CRTC1: variants seen among roughly 807,000 people sequenced by gnomAD.
CRTC1 encodes CREB regulated transcription coactivator 1.
Under a neutral mutation model 66.1 loss-of-function variants are expected in CRTC1, and 18 were observed. That is an observed-to-expected ratio of 0.27 (90% CI 0.19 to 0.40). The LOEUF (loss-of-function observed/expected upper bound fraction) is 0.40. CRTC1 is among the 10% of genes least tolerant of loss of function. The pLI is 1.00. For missense variants in CRTC1, 669 were observed against 887.9 expected, an observed-to-expected ratio of 0.75 and a Z score of 3.13; for synonymous variants, 416 against 398.8, an observed-to-expected ratio of 1.04 and a Z score of -0.51.
chr19:18,763,830 T>C (rs1568534318), intron 8 of CRTC1, among the ~76,000 whole-genome samples: 1 of 152,190 alleles, frequency 6.6e-6, no homozygotes. Context: ...GCTTCTGACC[T>C]GGGCACTGAG....
Position 18,768,744 on chromosome 19 carries a change from C to T in CRTC1, c.1271C>T (p.Ser424Phe), listed in dbSNP as rs756177928. 3 of 1,599,024 alleles carry T rather than the reference C, an allele frequency of 1.9e-6. No individual in the cohort carries two copies. Among genetic ancestry groups the T allele is most frequent in the South Asian group, 1.1e-5 (1 of 88,504 alleles). Residue 424 changes from serine to phenylalanine, a missense_variant, in exon 10 of 14, where the codon TCC becomes TTC. Transcript: ENST00000321949. This position sits in a 1 kb window ranked among gnomAD's most constrained non-coding sequence, Gnocchi z 5.6. ...ACGGTACCGTCCTCTCTCCCCCAGT[C>T]CCCCCCAGAGAACCCTGGCCAGCCA... ...AVTVPSSLPQ[S>F]PPENPGQPSM...
At chr19:18,704,796 A>G (rs1015962379) in intron 1 of CRTC1, among the ~76,000 whole-genome samples, 3 of 152,122 alleles carry the variant, frequency 2.0e-5, no homozygotes, top group African/African-American at 7.2e-5. Flanking sequence ...GGCATTTAGT[A>G]AGTATCCTCA....
chr19:18,780,969 C>T lies in CRTC1; in HGVS notation c.*3587C>T. The T allele has an allele frequency of 4.5e-6, 1 of 223,848 alleles. No homozygotes were observed. Among genetic ancestry groups the T allele is most frequent in the Non-Finnish European group, 8.9e-6 (1 of 112,252 alleles). 13.9% of individuals were successfully genotyped at this position (223,848 alleles called of 1,614,324 possible). ...CCTGCTTCCTGAGTTTTCTGTATTT[C>T]CAAGGAGCCCTCCGACCAGGGAGAG... On this transcript the variant is annotated 3_prime_UTR_variant, in exon 14 of 14. Transcript: ENST00000321949.
At chr19:18,764,929 C>CAA (rs533364314) in intron 8 of CRTC1, among the ~76,000 whole-genome samples, 1 of 151,604 alleles carries the variant, frequency 6.6e-6, no homozygotes, top group Non-Finnish European at 1.5e-5. Context: ...CATTTTCAGC[C>CAA]AAAAAAAACC....
chr19:18,740,229 G>T (rs891443873), intron 1 of CRTC1, among the ~76,000 whole-genome samples: 68 of 151,854 alleles, frequency 4.5e-4, no homozygotes, highest in African/African-American at 1.6e-3. Flanking sequence ...CTCCAGCCTG[G>T]ATGACAGAGC....
chr19:18,748,256 A>AT (rs2054288758), intron 4 of CRTC1, among the ~76,000 whole-genome samples: 2 of 151,222 alleles, frequency 1.3e-5, no homozygotes, highest in East Asian at 3.9e-4. Flanking sequence ...TGTGTATATA[A>AT]TTTTTTTTCT....
chr19:18,704,770 A>G (rs2053223802), intron 1 of CRTC1, among the ~76,000 whole-genome samples: 1 of 152,176 alleles, frequency 6.6e-6, no homozygotes. Context: ...TCTTAACCTT[A>G]AGTGTGCAGT....
At chr19:18,723,178 T>A (rs1461845492) in intron 1 of CRTC1, among the ~76,000 whole-genome samples, 1 of 152,172 alleles carries the variant, frequency 6.6e-6, no homozygotes, top group Non-Finnish European at 1.5e-5. Context: ...TGACCTCAAG[T>A]GATCCACCTG....
At chr19:18,769,536 G>A (rs1287529721) in intron 10 of CRTC1, among the ~76,000 whole-genome samples, 1 of 152,214 alleles carries the variant, frequency 6.6e-6, no homozygotes, top group Non-Finnish European at 1.5e-5. Flanking sequence ...GAGCTGGGTG[G>A]GGCAGGCAGG....
Position 18,765,501 on chromosome 19 carries a change from C to T in CRTC1, c.984C>T (p.Thr328=). Reference sequence around the variant, plus strand: ...CAAGGCGTCAGCAGGCATCGCCCACCCTGTCCCCGCTGTCACCCATCACTC... The same window carrying T: ...CAAGGCGTCAGCAGGCATCGCCCACTCTGTCCCCGCTGTCACCCATCACTC... ...TEARRQQASP[T]LSPLSPITQA... The change falls in exon 9 of 14, where the codon ACC becomes ACT. Residue 328 remains threonine (T), a synonymous_variant. Transcript: ENST00000321949. 3.7e-6 allele frequency: 6 copies of T among 1,608,442 alleles called. No individual in the cohort carries two copies. Among genetic ancestry groups the T allele is most frequent in the Non-Finnish European group, 4.2e-6 (5 of 1,179,470 alleles).
Position 18,753,543 on chromosome 19 carries a change from G to C in CRTC1, c.582G>C (p.Glu194Asp), listed in dbSNP as rs2054417643. The change falls in exon 6 of 14, where the codon GAG becomes GAC. Residue 194 changes from glutamate to aspartate, a missense_variant. Around this residue, in one of 8 missense-constraint regions of CRTC1, gnomAD observed 214 missense variants for 323.4 expected, o/e 0.66. Transcript: ENST00000321949. ...CAGGAATGGAAGAGACCACATCAGA[G>C]GCAGACAAAAACCTTTCCAAGCAAG... ...TVPGMEETTS[E>D]ADKNLSKQAW... 1 of 1,613,206 alleles carries C rather than the reference G, an allele frequency of 6.2e-7. No homozygotes were observed. The highest frequency in any genetic ancestry group is 8.5e-7 in the Non-Finnish European group (1 of 1,179,572).
intron 8 of CRTC1, among the ~76,000 whole-genome samples, chr19:18,763,254 C>T (rs1056435690): frequency 2.0e-5 from 3 of 152,168 alleles, no homozygotes; most frequent in Non-Finnish European, 2.9e-5. Flanking sequence ...GCGCCCACCA[C>T]CACGCCTGGC....
chr19:18,744,882 GCAA>G (rs1427460330), intron 2 of CRTC1, among the ~76,000 whole-genome samples: 3 of 152,202 alleles, frequency 2.0e-5, no homozygotes, highest in South Asian at 2.1e-4. Context: ...GGACAAAGCA[GCAA>G]TCCTAGCCAT....
intron 1 of CRTC1, among the ~76,000 whole-genome samples, chr19:18,692,986 A>T (rs1032863418): frequency 1.3e-5 from 2 of 151,078 alleles, no homozygotes; most frequent in African/African-American, 4.9e-5. Flanking sequence ...GAGACAGGAG[A>T]ATCGCTTGAA....
Position 18,749,809 on chromosome 19 carries a change from A to C in CRTC1, c.472A>C (p.Ser158Arg), listed in dbSNP as rs773164845. The C allele has an allele frequency of 4.3e-6, 7 of 1,613,968 alleles. No homozygotes were observed. Among genetic ancestry groups the C allele is most frequent in the African/African-American group, 2.7e-5 (2 of 74,942 alleles). ...RTNSDSALHQ[S>R]TMTPTQPESF... ...CAATTCTGACTCCGCCCTGCACCAGAGCACAATGACGCCCACGCAGCCAGA... is the reference window on the plus strand; with the variant it reads ...CAATTCTGACTCCGCCCTGCACCAGCGCACAATGACGCCCACGCAGCCAGA... Residue 158 changes from serine to arginine, a missense_variant, in exon 5 of 14, where the codon AGC becomes CGC. Ser to Arg is a moderately radical substitution (Grantham distance 110, BLOSUM62 -1). This residue lies in a region of CRTC1 where 214 missense variants were observed against 323.4 expected (regional missense o/e 0.66). Transcript: ENST00000321949.
chr19:18,712,930 A>C (rs2145589838), intron 1 of CRTC1, among the ~76,000 whole-genome samples: 1 of 150,664 alleles, frequency 6.6e-6, no homozygotes, highest in Non-Finnish European at 1.5e-5. Flanking sequence ...ACTGCACTCC[A>C]GGCTGGGTGA....
At chr19:18,755,822 C>T (rs904129681) in intron 6 of CRTC1, among the ~76,000 whole-genome samples, 1 of 151,194 alleles carries the variant, frequency 6.6e-6, no homozygotes, top group Non-Finnish European at 1.5e-5. Flanking sequence ...AGGCTGGTCT[C>T]GAACTCCTGG....
intron 1 of CRTC1, among the ~76,000 whole-genome samples, chr19:18,698,901 G>A (rs55935482): frequency 0.25 from 37,916 of 149,770 alleles, 4,962 homozygotes; most frequent in Non-Finnish European, 0.28. Flanking sequence ...TGTGCTCTGC[G>A]GGCACTCAGC....
chr19:18,708,362 G>A (rs949210559), intron 1 of CRTC1, among the ~76,000 whole-genome samples: 11 of 152,154 alleles, frequency 7.2e-5, no homozygotes. Context: ...AGGGAGTTGT[G>A]GGTTCTGGAG....
Sources: gnomAD v4.1 joint callset for allele counts (sites outside exome capture counted in the v4.1 genomes callset) on GRCh38, gnomAD v4.1.1 for gene constraint, gnomAD v4.1.1 regional missense constraint, Gnocchi (gnomAD v3.1) non-coding constraint, MANE v1.5 for transcripts, NCBI Gene and HGNC (gene_info 2026-07-23, HGNC 2026-07-21) for gene names.